The following TTC9C variants were observed in gnomAD, a reference collection of about 807,000 sequenced individuals.
TTC9C encodes tetratricopeptide repeat domain 9C.
In TTC9C, 15 loss-of-function variants were observed where a neutral mutation model predicts 22.5. That is an observed-to-expected ratio of 0.67 (90% CI 0.45 to 1.03). The LOEUF (loss-of-function observed/expected upper bound fraction) is 1.03, where lower values mean the gene tolerates loss of function less well. Ranked by LOEUF, TTC9C falls within the 50% of genes least tolerant of loss-of-function variation. The pLI is 0.00. For synonymous variants in TTC9C, 92 were observed against 86.8 expected (o/e 1.06, Z -0.33); for missense variants, 244 against 214.6 (o/e 1.14, Z -0.86).
At chr11:62,736,633 G>C (rs2083915908) in intron 2 of TTC9C, among the ~76,000 whole-genome samples, 1 of 151,678 alleles carries the variant, frequency 6.6e-6, no homozygotes, top group African/African-American at 2.4e-5. Flanking sequence ...GGCGGAGCTT[G>C]CAGTGAGCTG....
At chr11:62,736,695 GAA>G (rs562358754) in intron 2 of TTC9C, among the ~76,000 whole-genome samples, 8 of 135,664 alleles carry the variant, frequency 5.9e-5, no homozygotes, top group East Asian at 2.1e-4. Context: ...CTCCGTCTCG[GAA>G]AAAAAAAAAA....
chr11:62,728,205 A>G (rs550272976), upstream of TTC9C: 24 of 292,750 alleles, frequency 8.2e-5, no homozygotes, highest in South Asian at 7.2e-4. Flanking sequence ...CTGCTGGTAA[A>G]CCGAAGCCCA....
intron 1 of TTC9C, among the ~76,000 whole-genome samples, chr11:62,729,943 G>A (rs2083827980): frequency 6.6e-6 from 1 of 152,140 alleles, no homozygotes; most frequent in African/African-American, 2.4e-5. Context: ...ATGCTATAGG[G>A]AAAAACTATA....
rs963391049 is a variant in TTC9C at position 62,735,339 on chromosome 11, C to T, written c.239-43C>T. 5.0e-6 allele frequency: 8 copies of T among 1,599,784 alleles called. No individual in the cohort carries two copies. The South Asian group carries it at 5.6e-5, about 11-fold the overall frequency. On this transcript the variant is annotated intron_variant, in intron 1 of 2. Transcript: ENST00000316461. ...AGCTGGCCAGTGGAACCTGGTGTAA[C>T]GAGCCCCTCCTACCTCTTCTCTCTT...
chr11:62,728,786 C>T lies in TTC9C; in HGVS notation c.-63C>T. The T allele has an allele frequency of 1.3e-6, 2 of 1,558,580 alleles. No homozygotes were observed. The highest frequency in any genetic ancestry group is 1.8e-6 in the Non-Finnish European group (2 of 1,130,848). ...GCTGCTACTGTCAGTTATTTTGCTC[C>T]CAACCCCAGAGCTTCACTTGCTCCT... On this transcript the variant is annotated 5_prime_UTR_variant, in exon 1 of 3. Transcript: ENST00000316461.
intron 1 of TTC9C, chr11:62,733,140 C>T (rs1257927409): frequency 1.6e-6 from 2 of 1,288,174 alleles, no homozygotes; most frequent in Non-Finnish European, 2.0e-6. Flanking sequence ...GAGTGTTTCC[C>T]TTCTTAATCA....
chr11:62,728,772 C>G lies in TTC9C; in HGVS notation c.-77C>G, dbSNP rs1006299249. On this transcript the variant is annotated 5_prime_UTR_variant, in exon 1 of 3. Transcript: ENST00000316461. ...GCCTCCTTAAATTGGCTGCTACTGT[C>G]AGTTATTTTGCTCCCAACCCCAGAG... The G allele has an allele frequency of 7.0e-7, 1 of 1,421,962 alleles. No homozygotes were observed. The highest frequency in any genetic ancestry group is 9.9e-7 in the Non-Finnish European group (1 of 1,009,228). 88.1% of individuals were successfully genotyped at this position (1,421,962 alleles called of 1,614,324 possible). A position where few individuals can be genotyped will look rare whatever the true frequency, so the allele number is the denominator to read the frequency against.
At chr11:62,734,575 G>C (rs2083889190) in intron 1 of TTC9C, among the ~76,000 whole-genome samples, 1 of 152,036 alleles carries the variant, frequency 6.6e-6, no homozygotes, top group African/African-American at 2.4e-5. Flanking sequence ...GTGAGACTCT[G>C]TCTTAAAAAA....
chr11:62,729,372 TTTTTA>T (rs140723477), intron 1 of TTC9C, among the ~76,000 whole-genome samples: 88,410 of 138,084 alleles, frequency 0.64, 30,167 homozygotes, highest in Admixed American at 0.77. Context: ...TTTCTTTATT[TTTTTA>T]TTTTATTTTA....
intron 2 of TTC9C, among the ~76,000 whole-genome samples, chr11:62,737,494 T>C (rs1184516673): frequency 6.6e-6 from 1 of 152,158 alleles, no homozygotes; most frequent in Non-Finnish European, 1.5e-5. Context: ...GTCTCCCTTT[T>C]GCATTCTGGC....
chr11:62,732,540 G>A lies in TTC9C; in HGVS notation c.239-2842G>A, dbSNP rs1231345113. Among the ~76,000 whole-genome samples, 4 of 151,754 alleles carry A rather than the reference G, an allele frequency of 2.6e-5. No individual in the cohort carries two copies. The East Asian group carries it at 5.8e-4, about 22-fold the overall frequency. On this transcript the variant is annotated intron_variant, in intron 1 of 2. Transcript: ENST00000316461. ...CAGGAGAATTGCTTGAACCTGGGAG[G>A]CGGAGGTTGTGGTGAACCAAGATCG...
intron 1 of TTC9C, among the ~76,000 whole-genome samples, chr11:62,734,840 C>A (rs2083892271): frequency 6.6e-6 from 1 of 152,134 alleles, no homozygotes; most frequent in Non-Finnish European, 1.5e-5. Flanking sequence ...GCCTAACTGG[C>A]TACTAAATAT....
At chr11:62,728,380 AAG>A (rs1378075780), upstream of TTC9C, 3 of 373,942 alleles carry the variant, frequency 8.0e-6, no homozygotes, top group Non-Finnish European at 1.6e-5. Flanking sequence ...AATAAGGAAG[AAG>A]AGTTAGAATT....
chr11:62,736,452 T>C (rs944901050), intron 2 of TTC9C, among the ~76,000 whole-genome samples: 7 of 151,984 alleles, frequency 4.6e-5, no homozygotes, highest in African/African-American at 1.7e-4. Context: ...CCCAGCACTT[T>C]GGGAGGCCGA....
intron 1 of TTC9C, among the ~76,000 whole-genome samples, chr11:62,734,965 C>T (rs533813517): frequency 7.2e-5 from 11 of 152,318 alleles, no homozygotes; most frequent in South Asian, 2.1e-4. Context: ...GGCACGATCT[C>T]GGCTCACCGA....
At chr11:62,730,220 G>A (rs1486888163) in intron 1 of TTC9C, among the ~76,000 whole-genome samples, 2 of 151,910 alleles carry the variant, frequency 1.3e-5, no homozygotes, top group African/African-American at 2.4e-5. Flanking sequence ...GGATACAGGC[G>A]CGTGCCACCA....
At chr11:62,734,041 A>G (rs900190127) in intron 1 of TTC9C, among the ~76,000 whole-genome samples, 4 of 151,430 alleles carry the variant, frequency 2.6e-5, no homozygotes, top group African/African-American at 9.7e-5. Context: ...GTTCACGTCT[A>G]TAATCCCAGT....
intron 1 of TTC9C, among the ~76,000 whole-genome samples, 159 bp from the exon 2 acceptor site, chr11:62,735,223 T>C (rs2083896770): frequency 1.3e-5 from 2 of 152,212 alleles, no homozygotes; most frequent in African/African-American, 4.8e-5. Context: ...CACTGCTGCA[T>C]CCCCAGTGTG....
Position 62,728,827 on chromosome 11 carries a change from G to C in TTC9C, c.-22G>C. On this transcript the variant is annotated 5_prime_UTR_variant, in exon 1 of 3. Transcript: ENST00000316461. Reference sequence around the variant, plus strand: ...ACTTGCTCCTTCACTTCCCAGTTCCGCAAGAACCGTGGGCGACAGTTATGG... The same window carrying C: ...ACTTGCTCCTTCACTTCCCAGTTCCCCAAGAACCGTGGGCGACAGTTATGG... The C allele has an allele frequency of 6.2e-7, 1 of 1,612,682 alleles. No homozygotes were observed. Among genetic ancestry groups the C allele is most frequent in the Non-Finnish European group, 8.5e-7 (1 of 1,178,788 alleles).
Sources: gnomAD v4.1 joint callset for allele counts (sites outside exome capture counted in the v4.1 genomes callset) on GRCh38, gnomAD v4.1.1 for gene constraint, MANE v1.5 for transcripts, NCBI Gene and HGNC (gene_info 2026-07-23, HGNC 2026-07-21) for gene names.